Variants in SPMIP2 observed in about 807,000 individuals in gnomAD.
SPMIP2 encodes the protein sperm microtubule inner protein 2, also known as protein SPMIP2.
chr4:159,057,991 A>G, the SPMIP2 span, among the ~76,000 whole-genome samples: 24 of 152,106 alleles, frequency 1.6e-4, 1 homozygote, highest in Admixed American at 1.5e-3. Context: ...CAGCCTCCCA[A>G]GTAGCTGGGA....
the SPMIP2 span, among the ~76,000 whole-genome samples, chr4:159,072,587 C>T: frequency 1.3e-5 from 2 of 151,184 alleles, no homozygotes; most frequent in Non-Finnish European, 2.9e-5. Flanking sequence ...CTCAGCTCCC[C>T]GAGCAGCTCA....
At chr4:159,082,332 C>CAAAT in the SPMIP2 span, among the ~76,000 whole-genome samples, 1,388 of 150,914 alleles carry the variant, frequency 9.2e-3, 10 homozygotes, top group South Asian at 0.03. Flanking sequence ...GATTCCATCT[C>CAAAT]AAATAAATAA....
At chr4:158,955,029 T>C in the SPMIP2 span, among the ~76,000 whole-genome samples, 1 of 152,140 alleles carries the variant, frequency 6.6e-6, no homozygotes, top group African/African-American at 2.4e-5. Flanking sequence ...GAAGAGATCA[T>C]ATGAAAACAA....
At chr4:158,974,878 C>T in the SPMIP2 span, among the ~76,000 whole-genome samples, 1 of 152,136 alleles carries the variant, frequency 6.6e-6, no homozygotes, top group Non-Finnish European at 1.5e-5. Context: ...CTTGAGGAAT[C>T]GCCACACTGT....
the SPMIP2 span, among the ~76,000 whole-genome samples, chr4:158,908,232 G>T: frequency 6.6e-6 from 1 of 152,150 alleles, no homozygotes; most frequent in Admixed American, 6.5e-5. Flanking sequence ...GCACAGAGAG[G>T]CTGGGGGCTC....
the SPMIP2 span, chr4:158,907,257 ATTTTATTTTT>A: frequency 6.6e-6 from 1 of 152,212 alleles, no homozygotes; most frequent in Non-Finnish European, 1.5e-5. Flanking sequence ...ATTCCAAAGT[ATTTTATTTTT>A]TATCAATCAG....
the SPMIP2 span, among the ~76,000 whole-genome samples, chr4:159,071,569 A>G: frequency 6.6e-6 from 1 of 152,234 alleles, no homozygotes; most frequent in Non-Finnish European, 1.5e-5. Flanking sequence ...AAGAAAATGA[A>G]GCAAGTATCT....
chr4:159,020,725 A>C, the SPMIP2 span, among the ~76,000 whole-genome samples: 1 of 152,132 alleles, frequency 6.6e-6, no homozygotes, highest in Non-Finnish European at 1.5e-5. Flanking sequence ...CCAAACGTTT[A>C]AGCTAAGGCA....
chr4:159,079,097 G>A, the SPMIP2 span, among the ~76,000 whole-genome samples: 2 of 152,086 alleles, frequency 1.3e-5, no homozygotes, highest in African/African-American at 4.8e-5. Context: ...CAACCTGGGT[G>A]ACAGAGTGAG....
chr4:158,947,727 G>A, the SPMIP2 span, among the ~76,000 whole-genome samples: 2 of 152,036 alleles, frequency 1.3e-5, no homozygotes, highest in Admixed American at 6.6e-5. Context: ...CAAAAAGTCC[G>A]AGAGATGGAA....
the SPMIP2 span, among the ~76,000 whole-genome samples, chr4:159,021,492 G>A: frequency 5.3e-4 from 80 of 152,044 alleles, no homozygotes; most frequent in Non-Finnish European, 9.9e-4. Context: ...ATGATTAATG[G>A]GATTCTTGAC....
the SPMIP2 span, among the ~76,000 whole-genome samples, chr4:158,988,436 CA>C: frequency 1.4e-4 from 21 of 151,692 alleles, no homozygotes; most frequent in Non-Finnish European, 2.7e-4. Flanking sequence ...AGAGATGCAA[CA>C]AAAAAAGAAA....
the SPMIP2 span, among the ~76,000 whole-genome samples, chr4:158,916,703 A>C: frequency 2.0e-5 from 3 of 152,104 alleles, no homozygotes; most frequent in Non-Finnish European, 4.4e-5. Context: ...GAGTGCAATG[A>C]CACGATCTCT....
chr4:159,000,554 G>A, the SPMIP2 span, among the ~76,000 whole-genome samples: 2 of 149,536 alleles, frequency 1.3e-5, no homozygotes, highest in African/African-American at 2.5e-5. Context: ...GAGTGCACTG[G>A]TGCAATCTCC....
chr4:158,968,324 C>T, the SPMIP2 span, among the ~76,000 whole-genome samples: 14 of 152,150 alleles, frequency 9.2e-5, no homozygotes, highest in Admixed American at 7.2e-4. Context: ...CCACCATGTC[C>T]GGCCTCAACT....
the SPMIP2 span, among the ~76,000 whole-genome samples, chr4:158,946,483 A>G: frequency 3.9e-5 from 6 of 152,056 alleles, no homozygotes; most frequent in African/African-American, 1.4e-4. Context: ...TGTGATAGTG[A>G]GTTTTCATGA....
At chr4:159,074,113 C>A in the SPMIP2 span, among the ~76,000 whole-genome samples, 1 of 152,186 alleles carries the variant, frequency 6.6e-6, no homozygotes, top group African/African-American at 2.4e-5. Context: ...TTTTCTAGTG[C>A]ATTTCTTGCC....
At chr4:159,079,341 C>G in the SPMIP2 span, among the ~76,000 whole-genome samples, 54 of 152,254 alleles carry the variant, frequency 3.5e-4, no homozygotes, top group Middle Eastern at 6.8e-3. Flanking sequence ...CTTGCCCCTT[C>G]CACCATGTGA....
At chr4:158,981,843 T>G in the SPMIP2 span, among the ~76,000 whole-genome samples, 1 of 122,790 alleles carries the variant, frequency 8.1e-6, no homozygotes, top group Non-Finnish European at 1.7e-5. Flanking sequence ...AGAGCTAGCA[T>G]AATAGAGACA....
Sources: allele counts gnomAD v4.1 joint callset (sites outside exome capture counted in the v4.1 genomes callset), GRCh38; gene constraint gnomAD v4.1.1; transcripts MANE v1.5; gene names NCBI Gene and HGNC (gene_info 2026-07-23, HGNC 2026-07-21).